Variants in SOBP observed in about 807,000 individuals in gnomAD.
The protein encoded by SOBP is sine oculis-binding protein homolog.
SOBP carries 4 observed loss-of-function variants against 53.6 expected under a neutral mutation model. The observed-to-expected ratio is 0.07, with a 90% confidence interval of 0.04 to 0.17. SOBP has a LOEUF of 0.17. Among genes scored for constraint, SOBP ranks in the 10% least tolerant of loss-of-function variants. The pLI, the probability that SOBP is intolerant of heterozygous loss-of-function variation, is 1.00. For synonymous variants in SOBP, 584 were observed against 522.6 expected, an observed-to-expected ratio of 1.12 and a Z score of -1.60; for missense variants, 1,088 against 1,204.7, an observed-to-expected ratio of 0.90 and a Z score of 1.43.
At chr6:107,490,798 C>G (rs908898931) in intron 1 of SOBP, 86 bp downstream of exon 1, 3 of 1,042,854 alleles carry the variant, frequency 2.9e-6, no homozygotes, top group Non-Finnish European at 4.3e-6. Flanking sequence ...TGGGGGGTAC[C>G]GGGGCGCGCT....
At chr6:107,655,280 A>G (rs770831294) in intron 6 of SOBP, among the ~76,000 whole-genome samples, 46 of 152,226 alleles carry the variant, frequency 3.0e-4, no homozygotes, top group Non-Finnish European at 2.4e-4. Flanking sequence ...AATATCAGAA[A>G]AGTGAAGCCC....
intron 4 of SOBP, among the ~76,000 whole-genome samples, chr6:107,566,194 G>A (rs1203324751): frequency 6.6e-6 from 1 of 152,174 alleles, no homozygotes; most frequent in Non-Finnish European, 1.5e-5. Context: ...GAAGGAAAAT[G>A]GACAACTTAG....
chr6:107,654,820 T>G (rs28444293), intron 6 of SOBP, among the ~76,000 whole-genome samples: 21,515 of 136,626 alleles, frequency 0.16, 1,874 homozygotes, highest in South Asian at 0.28. Context: ...ATCAGGGCTC[T>G]GAGGGGAGGG....
chr6:107,581,598 G>A (rs1047879431), intron 4 of SOBP, among the ~76,000 whole-genome samples: 6 of 152,232 alleles, frequency 3.9e-5, no homozygotes, highest in Non-Finnish European at 7.3e-5. Context: ...CATACTGAAA[G>A]GCAGTGTGTG....
chr6:107,513,392 G>A (rs1020755826), intron 3 of SOBP, among the ~76,000 whole-genome samples: 5 of 152,154 alleles, frequency 3.3e-5, no homozygotes, highest in Non-Finnish European at 7.3e-5. Context: ...CACGTGATCT[G>A]CTAACCTCTA....
intron 6 of SOBP, among the ~76,000 whole-genome samples, chr6:107,638,693 C>G (rs1771173759): frequency 6.6e-6 from 1 of 152,092 alleles, no homozygotes; most frequent in Non-Finnish European, 1.5e-5. Flanking sequence ...TGTTACAAAC[C>G]AAAAGCAAAA....
chr6:107,586,121 G>T (rs1179677418), intron 4 of SOBP, among the ~76,000 whole-genome samples: 1 of 152,166 alleles, frequency 6.6e-6, no homozygotes, highest in Non-Finnish European at 1.5e-5. Flanking sequence ...TTAAAAATCA[G>T]CTGGCAGGGA....
intron 5 of SOBP, among the ~76,000 whole-genome samples, chr6:107,622,789 A>T (rs910412082): frequency 2.6e-5 from 4 of 152,256 alleles, no homozygotes; most frequent in African/African-American, 7.2e-5. Context: ...AAAAGGAAGC[A>T]TCAAAAGAAT....
At chr6:107,622,921 CAG>C (rs1370182642) in intron 5 of SOBP, among the ~76,000 whole-genome samples, 7 of 152,132 alleles carry the variant, frequency 4.6e-5, no homozygotes, top group African/African-American at 1.7e-4. Flanking sequence ...CTCTTCAAAA[CAG>C]AGCAGTTAAT....
chr6:107,620,211 C>A lies in SOBP; in HGVS notation c.670-13303C>A, dbSNP rs1051080646. On this transcript the variant is annotated intron_variant, in intron 5 of 6. Coordinates refer to ENST00000317357, the MANE Select transcript of SOBP (RefSeq NM_018013.4). ...CTTGCTTCCTGATTTAGCACGAGGCCGTTAAAGATTTGCAGTTCCCTGCAG... is the reference window on the plus strand; with the variant it reads ...CTTGCTTCCTGATTTAGCACGAGGCAGTTAAAGATTTGCAGTTCCCTGCAG... Among the ~76,000 whole-genome samples the A allele has an allele frequency of 2.0e-5, 3 of 152,182 alleles. No individual in the cohort carries two copies. In the East Asian group the frequency reaches 5.8e-4, roughly 29 times the overall value.
chr6:107,600,118 T>G (rs962607365), intron 5 of SOBP, among the ~76,000 whole-genome samples: 9 of 152,248 alleles, frequency 5.9e-5, no homozygotes, highest in Admixed American at 6.5e-5. Context: ...CCTGGCTTTT[T>G]TCTTTCTGAG....
chr6:107,635,338 C>A lies in SOBP; in HGVS notation c.2494C>A (p.Pro832Thr). 6.2e-7 allele frequency: 1 copy of A among 1,613,648 alleles called. No homozygotes were observed. The highest frequency in any genetic ancestry group is 1.6e-4 in the Middle Eastern group (1 of 6,062). ...GACCGGCTGCGTGATCCAGCCTGTG[C>A]CAAAACCCGCGGAGAAGGCTGCCAT... Reference protein sequence around the residue: ...PKTGCVIQPVPKPAEKAAMAP... With the variant: ...PKTGCVIQPVTKPAEKAAMAP... The change falls in exon 6 of 7, where the codon CCA becomes ACA. Residue 832 changes from proline to threonine, a missense_variant. This residue lies in a region of SOBP where 665 missense variants were observed against 629.7 expected (regional missense o/e 1.06). Transcript: ENST00000317357. This position sits in a 1 kb window ranked among gnomAD's most constrained non-coding sequence, Gnocchi z 4.5.
intron 4 of SOBP, among the ~76,000 whole-genome samples, chr6:107,555,376 C>T (rs1784579425): frequency 6.6e-6 from 1 of 152,180 alleles, no homozygotes; most frequent in South Asian, 2.1e-4. Context: ...TGCAGATACT[C>T]TTCTCCATCA....
At position 107,490,538 on chromosome 6, in the gene SOBP, C is replaced by A; in HGVS notation, c.-79C>A. On this transcript the variant is annotated 5_prime_UTR_variant, in exon 1 of 7. Transcript: ENST00000317357. The stretch of plus-strand genomic sequence containing the variant: ...GCCTCGCCACCATCAGCACCACCTC[C>A]ACCGCCGCCGCCGCCGCCACCACCA... 4 of 1,055,196 alleles carry A rather than the reference C, an allele frequency of 3.8e-6. No individual in the cohort carries two copies. The highest frequency in any genetic ancestry group is 5.7e-6 in the Non-Finnish European group (4 of 702,432). 65.4% of individuals were successfully genotyped at this position (1,055,196 alleles called of 1,614,324 possible). A position where few individuals can be genotyped will look rare whatever the true frequency, so the allele number is the denominator to read the frequency against.
chr6:107,493,303 T>A (rs941837063), intron 1 of SOBP, among the ~76,000 whole-genome samples: 6 of 152,116 alleles, frequency 3.9e-5, no homozygotes, highest in Admixed American at 3.9e-4. Flanking sequence ...TAAGCCCTGG[T>A]AAGTAATCAC....
intron 2 of SOBP, among the ~76,000 whole-genome samples, chr6:107,505,423 A>G (rs1782957771): frequency 6.6e-6 from 1 of 151,694 alleles, no homozygotes; most frequent in Non-Finnish European, 1.5e-5. Flanking sequence ...CCTGGGTTCA[A>G]GCGATTCTCG....
intron 5 of SOBP, among the ~76,000 whole-genome samples, chr6:107,609,875 G>T (rs1214612915): frequency 1.3e-5 from 2 of 152,090 alleles, no homozygotes; most frequent in African/African-American, 4.8e-5. Context: ...CCCAAGTGTT[G>T]CCAGCTCCTA....
At chr6:107,512,729 A>C (rs926485253) in intron 3 of SOBP, among the ~76,000 whole-genome samples, 4 of 151,868 alleles carry the variant, frequency 2.6e-5, no homozygotes, top group African/African-American at 7.3e-5. Context: ...TTTTGCTCCC[A>C]AAATTTTTTT....
intron 5 of SOBP, among the ~76,000 whole-genome samples, chr6:107,616,090 G>A (rs1187846998): frequency 7.8e-6 from 1 of 128,398 alleles, no homozygotes; most frequent in African/African-American, 2.9e-5. Context: ...GGGGTGGGGG[G>A]GGGGCGGGGG....
Sources: gnomAD v4.1 joint callset for allele counts (sites outside exome capture counted in the v4.1 genomes callset) on GRCh38, gnomAD v4.1.1 for gene constraint, gnomAD v4.1.1 regional missense constraint, Gnocchi (gnomAD v3.1) non-coding constraint, MANE v1.5 for transcripts, NCBI Gene and HGNC (gene_info 2026-07-23, HGNC 2026-07-21) for gene names.